Variants in CTSC observed in about 807,000 individuals in gnomAD.
CTSC encodes dipeptidyl peptidase 1.
A neutral mutation model predicts 40.9 loss-of-function variants in CTSC; 37 were observed. The ratio of observed to expected loss-of-function variants is 0.91; its 90% CI spans 0.70 to 1.19. The LOEUF (loss-of-function observed/expected upper bound fraction) is 1.19. Ranked by LOEUF, CTSC falls within the 50% of genes most tolerant of loss-of-function variation. The pLI is 0.00. For missense variants in CTSC, 594 were observed against 567.3 expected (o/e 1.05, Z -0.48); for synonymous variants, 232 against 207.4 (o/e 1.12, Z -1.02).
At chr11:88,295,128 T>A (rs1440959635) in intron 6 of CTSC, among the ~76,000 whole-genome samples, 1 of 152,206 alleles carries the variant, frequency 6.6e-6, no homozygotes. Flanking sequence ...TTCATGAGGA[T>A]AAAGATTGTC....
intron 2 of CTSC, chr11:88,321,866 T>A (rs1364344810): frequency 6.6e-6 from 1 of 152,228 alleles, no homozygotes; most frequent in East Asian, 1.9e-4. Context: ...GTTGAATTAG[T>A]TGACATTCCC....
intron 5 of CTSC, chr11:88,298,224 G>A (rs914491093): frequency 6.6e-6 from 1 of 152,024 alleles, no homozygotes; most frequent in African/African-American, 2.4e-5. Flanking sequence ...TAATTAATGT[G>A]ACCCAGGAGA....
At position 88,331,997 on chromosome 11, in the gene CTSC, C is replaced by T. The variant is rs79127953; in HGVS notation, c.318+2940G>A. Among the ~76,000 whole-genome samples the T allele has an allele frequency of 1.7e-3, 262 of 152,238 alleles. 1 individual carries two copies. Among genetic ancestry groups the T allele is most frequent in the African/African-American group, 5.9e-3 (243 of 41,526 alleles). ...GCATGTACCAACTACTCAACAAACT[C>T]GAGCAGCAAGAACAATAAGAAACAA... is the stretch of plus-strand genomic sequence containing the variant. On this transcript the variant is annotated intron_variant, in intron 2 of 6. Transcript: ENST00000227266.
intron 4 of CTSC, 91 bp downstream of exon 4, chr11:88,309,072 A>G (rs1350891679): frequency 8.8e-7 from 1 of 1,141,952 alleles, no homozygotes; most frequent in East Asian, 2.5e-5. Flanking sequence ...TGACCAATAA[A>G]ATGGCGAGCA....
At position 88,337,688 on chromosome 11, in the gene CTSC, G is replaced by A. The variant is rs1267931087; in HGVS notation, c.-16C>T. 4 of 1,561,456 alleles carry A rather than the reference G, an allele frequency of 2.6e-6. No homozygotes were observed. The highest frequency in any genetic ancestry group is 2.7e-5 in the African/African-American group (2 of 73,570). ...CAGCACCCATGCTGCAGGGAGCTGA[G>A]AAAAGAGGTGAAGAATTACCAGGAA... On this transcript the variant is annotated 5_prime_UTR_variant, in exon 1 of 7. Transcript: ENST00000227266.
At position 88,293,917 on chromosome 11, in the gene CTSC, A is replaced by G; in HGVS notation, c.*89T>C. 7.2e-7 allele frequency: 1 copy of G among 1,397,514 alleles called. No homozygotes were observed. The highest frequency in any genetic ancestry group is 1.2e-5 in the South Asian group (1 of 86,578). The allele number at this position is 1,397,514 out of a possible 1,614,324, so 86.6% of individuals were successfully genotyped here. Reference sequence around the variant, plus strand: ...ATGGAAATCTATTTGTAAGCTTCTGAGATTGCTGCTGAAAGTCTACAGTCT... The same window carrying G: ...ATGGAAATCTATTTGTAAGCTTCTGGGATTGCTGCTGAAAGTCTACAGTCT... On this transcript the variant is annotated 3_prime_UTR_variant, in exon 7 of 7. Coordinates refer to ENST00000227266, the MANE Select transcript of CTSC (RefSeq NM_001814.6).
intron 2 of CTSC, among the ~76,000 whole-genome samples, chr11:88,329,353 G>C (rs1271237263): frequency 6.6e-6 from 1 of 150,570 alleles, no homozygotes; most frequent in Non-Finnish European, 1.5e-5. Flanking sequence ...GTGATGGCGG[G>C]CACCTGTAAT....
At chr11:88,331,571 T>A (rs1179191935) in intron 2 of CTSC, among the ~76,000 whole-genome samples, 1 of 152,226 alleles carries the variant, frequency 6.6e-6, no homozygotes, top group Non-Finnish European at 1.5e-5. Flanking sequence ...CACCTTCCTG[T>A]CAGACCCTAC....
intron 3 of CTSC, among the ~76,000 whole-genome samples, chr11:88,309,559 T>C (rs959043383): frequency 3.3e-5 from 5 of 152,120 alleles, no homozygotes; most frequent in Admixed American, 6.6e-5. Flanking sequence ...TACTAATAGA[T>C]TGTAAATAAC....
At chr11:88,303,493 G>A (rs1175738825) in intron 4 of CTSC, among the ~76,000 whole-genome samples, 2 of 152,188 alleles carry the variant, frequency 1.3e-5, no homozygotes, top group African/African-American at 4.8e-5. Flanking sequence ...ACTAACTAAT[G>A]TTTAGTGGTT....
chr11:88,310,557 G>A (rs1484757805), intron 3 of CTSC, among the ~76,000 whole-genome samples: 5 of 152,246 alleles, frequency 3.3e-5, no homozygotes, highest in East Asian at 1.9e-4. Context: ...AATCATGTGT[G>A]TAGAGAGAGA....
At position 88,337,493 on chromosome 11, in the gene CTSC, C is replaced by A; in HGVS notation, c.172+8G>T. ...ACGACCCGGAGGACTGCCGAGCCGG[C>A]GGCTTACCCATAACCGAGCAGTTGA... On this transcript the variant is annotated splice_region_variant and intron_variant, in intron 1 of 6. Transcript: ENST00000227266. The A allele has an allele frequency of 1.9e-6, 3 of 1,566,388 alleles. No homozygotes were observed. Among genetic ancestry groups the A allele is most frequent in the Non-Finnish European group, 2.6e-6 (3 of 1,154,740 alleles).
intron 3 of CTSC, among the ~76,000 whole-genome samples, chr11:88,309,523 G>A (rs1235830215): frequency 1.3e-5 from 2 of 151,992 alleles, no homozygotes; most frequent in East Asian, 1.9e-4. Context: ...GCATGTATAA[G>A]GATTTTCCAT....
At chr11:88,325,896 T>C in intron 2 of CTSC, 1 of 988,788 alleles carries the variant, frequency 1.0e-6, no homozygotes, top group Non-Finnish European at 1.2e-6. Flanking sequence ...TCCAAGGGCC[T>C]TATTTTCTCC....
chr11:88,296,919 A>G (rs957757124), intron 5 of CTSC: 6 of 156,538 alleles, frequency 3.8e-5, no homozygotes, highest in African/African-American at 1.4e-4. Flanking sequence ...CAGATTGACC[A>G]TATTGTACAC....
chr11:88,321,980 T>C (rs1417151273), intron 2 of CTSC: 1 of 152,208 alleles, frequency 6.6e-6, no homozygotes, highest in African/African-American at 2.4e-5. Context: ...TCATTGTGAT[T>C]TTGATATGCA....
intron 2 of CTSC, among the ~76,000 whole-genome samples, chr11:88,313,445 T>C (rs761771393): frequency 5.3e-5 from 8 of 152,246 alleles, no homozygotes; most frequent in Non-Finnish European, 1.0e-4. Flanking sequence ...GAGTATTAAA[T>C]ATATTCTTTA....
rs1938117279 is a variant in CTSC, at chr11:88,324,307, A to G, written c.318+10630T>C. On this transcript the variant is annotated intron_variant, in intron 2 of 6. Transcript: ENST00000227266. ...ACCCAAAACAATAAAACACCCTAGAAGAAAATCTAGGAATGCCATTGAATA... is the reference window on the plus strand; with the variant it reads ...ACCCAAAACAATAAAACACCCTAGAGGAAAATCTAGGAATGCCATTGAATA... 4.6e-6 allele frequency: 4 copies of G among 878,886 alleles called. 1 individual carries two copies. The South Asian group carries it at 2.1e-4, about 46-fold the overall frequency. 54.4% of individuals were successfully genotyped at this position (878,886 alleles called of 1,614,324 possible).
intron 2 of CTSC, among the ~76,000 whole-genome samples, chr11:88,334,328 G>A (rs1938435969): frequency 6.6e-6 from 1 of 152,206 alleles, no homozygotes; most frequent in Non-Finnish European, 1.5e-5. Context: ...TGGAAAAAGT[G>A]TGTTATGAGA....
Sources: allele counts gnomAD v4.1 joint callset (sites outside exome capture counted in the v4.1 genomes callset), GRCh38; gene constraint gnomAD v4.1.1; transcripts MANE v1.5; gene names NCBI Gene and HGNC (gene_info 2026-07-23, HGNC 2026-07-21).